The following DPH6 variants were observed in gnomAD, a reference collection of about 807,000 sequenced individuals.
DPH6 encodes the protein diphthine--ammonia ligase.
In DPH6, 33 loss-of-function variants were observed where a neutral mutation model predicts 38.2. That is an observed-to-expected ratio of 0.86 (90% CI 0.65 to 1.15). DPH6 has a LOEUF of 1.15. DPH6 is among the 50% of genes most tolerant of loss of function. The probability of loss-of-function intolerance (pLI) is 0.00; values close to 1 mark genes in which losing one functional copy is unlikely to be tolerated. For missense variants in DPH6, 325 were observed against 320.0 expected (o/e 1.02, Z -0.12); for synonymous variants, 108 against 103.0 (o/e 1.05, Z -0.30).
intron 3 of DPH6, among the ~76,000 whole-genome samples, chr15:35,281,467 T>C (rs975292923): frequency 2.0e-5 from 3 of 152,224 alleles, no homozygotes; most frequent in African/African-American, 7.2e-5. Flanking sequence ...CATATGCTAA[T>C]AATAATTTTT....
At chr15:35,403,350 T>C (rs1425051569) in intron 6 of DPH6, among the ~76,000 whole-genome samples, 1 of 152,128 alleles carries the variant, frequency 6.6e-6, no homozygotes, top group Non-Finnish European at 1.5e-5. Flanking sequence ...TAGGTATATA[T>C]ATATATATGG....
At chr15:35,306,462 A>G (rs1254258222) in intron 3 of DPH6, among the ~76,000 whole-genome samples, 1 of 152,136 alleles carries the variant, frequency 6.6e-6, no homozygotes, top group African/African-American at 2.4e-5. Context: ...TTCAAAGCCA[A>G]AGCAGGGCAG....
chr15:35,264,204 G>A (rs997236170), intron 3 of DPH6, among the ~76,000 whole-genome samples: 1 of 151,412 alleles, frequency 6.6e-6, no homozygotes, highest in African/African-American at 2.4e-5. Context: ...AATCTATCTT[G>A]GATGCTTTAT....
At chr15:35,435,962 T>A (rs1205352650) in intron 5 of DPH6, among the ~76,000 whole-genome samples, 1 of 152,022 alleles carries the variant, frequency 6.6e-6, no homozygotes, top group Non-Finnish European at 1.5e-5. Context: ...GGGACCGTAA[T>A]GGCACCTATC....
At chr15:35,244,603 A>T (rs1315941469) in intron 3 of DPH6, among the ~76,000 whole-genome samples, 1 of 152,264 alleles carries the variant, frequency 6.6e-6, no homozygotes, top group Non-Finnish European at 1.5e-5. Flanking sequence ...TAAGGTGGTA[A>T]GGCAAGCCTA....
chr15:35,287,205 C>CA (rs1441530094), intron 3 of DPH6, among the ~76,000 whole-genome samples: 2 of 152,158 alleles, frequency 1.3e-5, no homozygotes, highest in Middle Eastern at 3.4e-3. Context: ...ATAATGTTCA[C>CA]AAAAAATCTA....
intron 3 of DPH6, among the ~76,000 whole-genome samples, chr15:35,232,696 A>G (rs908640162): frequency 1.3e-5 from 2 of 152,240 alleles, no homozygotes; most frequent in Non-Finnish European, 2.9e-5. Context: ...AACTTCTGCA[A>G]CACTTTTTTC....
At chr15:35,177,247 G>A in the DPH6 span, among the ~76,000 whole-genome samples, 1 of 151,760 alleles carries the variant, frequency 6.6e-6, no homozygotes, top group Non-Finnish European at 1.5e-5. Context: ...CATGGATTTA[G>A]CAGATGTTGA....
At position 35,239,107 on chromosome 15, in the gene DPH6, A is replaced by T. The variant is rs1340649485; in HGVS notation, n.201-18525T>A. 1.4e-5 allele frequency among the ~76,000 whole-genome samples: 2 copies of T among 143,872 alleles called. 1 individual carries two copies. 94.4% of individuals were successfully genotyped at this position (143,872 alleles called of 152,430 possible). ...TCGGGGGACCTCCCTTGGGAGATCA[A>T]TCCCCCGTCCTCCTGCTCTTTGCTC... On this transcript the variant is annotated intron_variant and non_coding_transcript_variant, in intron 3 of 3. Coordinates refer to the DPH6 transcript ENST00000560386.
intron 5 of DPH6, among the ~76,000 whole-genome samples, chr15:35,412,243 C>G (rs183114717): frequency 1.2e-4 from 18 of 151,742 alleles, no homozygotes; most frequent in Admixed American, 3.3e-4. Context: ...ATGAAAAGAT[C>G]CTCCACATCA....
At chr15:35,508,417 A>C (rs953721631) in intron 3 of DPH6, among the ~76,000 whole-genome samples, 2 of 152,200 alleles carry the variant, frequency 1.3e-5, no homozygotes, top group Admixed American at 6.5e-5. Flanking sequence ...ACGAGGCATA[A>C]AGAAAATGAA....
At chr15:35,346,312 A>C (rs1431998744) in intron 3 of DPH6, among the ~76,000 whole-genome samples, 1 of 152,040 alleles carries the variant, frequency 6.6e-6, no homozygotes, top group Non-Finnish European at 1.5e-5. Context: ...GTGTGAAGGT[A>C]CTTAGTAATA....
At chr15:35,411,383 G>T (rs997388318) in intron 5 of DPH6, among the ~76,000 whole-genome samples, 5 of 151,582 alleles carry the variant, frequency 3.3e-5, no homozygotes, top group African/African-American at 1.2e-4. Context: ...ACTTAACAGT[G>T]GCATATGGGC....
chr15:35,465,292 G>T (rs936503655), intron 3 of DPH6, among the ~76,000 whole-genome samples: 2 of 152,110 alleles, frequency 1.3e-5, no homozygotes, highest in African/African-American at 4.8e-5. Context: ...CATCTGAAAG[G>T]CATTCTAACA....
intron 5 of DPH6, among the ~76,000 whole-genome samples, chr15:35,448,349 TAAA>T (rs2053883794): frequency 6.6e-6 from 1 of 152,158 alleles, no homozygotes; most frequent in South Asian, 2.1e-4. Flanking sequence ...GATTTTCTAA[TAAA>T]TAATATCTCT....
chr15:35,374,847 C>T (rs1004170187), intron 7 of DPH6, among the ~76,000 whole-genome samples: 1 of 152,008 alleles, frequency 6.6e-6, no homozygotes, highest in South Asian at 2.1e-4. Flanking sequence ...GGAGGCCCTC[C>T]TGCTTGCTAC....
chr15:35,336,666 AT>A (rs2052375506), intron 3 of DPH6, among the ~76,000 whole-genome samples: 1 of 152,138 alleles, frequency 6.6e-6, no homozygotes, highest in African/African-American at 2.4e-5. Flanking sequence ...GAGTTGTTGA[AT>A]TTTGTCAAAG....
At chr15:35,209,721 T>C in the DPH6 span, among the ~76,000 whole-genome samples, 1 of 152,322 alleles carries the variant, frequency 6.6e-6, no homozygotes, top group East Asian at 1.9e-4. Flanking sequence ...AAATTAGTGA[T>C]GACTATAAGT....
intron 3 of DPH6, among the ~76,000 whole-genome samples, chr15:35,470,928 T>C (rs1026919983): frequency 7.2e-5 from 11 of 152,256 alleles, no homozygotes; most frequent in East Asian, 5.8e-4. Context: ...GAGATGTAAT[T>C]TGTGGTCACA....
Sources: gnomAD v4.1 joint callset for allele counts (sites outside exome capture counted in the v4.1 genomes callset) on GRCh38, gnomAD v4.1.1 for gene constraint, MANE v1.5 for transcripts, NCBI Gene and HGNC (gene_info 2026-07-23, HGNC 2026-07-21) for gene names.